Variants in XPR1 observed in about 807,000 individuals in gnomAD.
The protein encoded by XPR1 is solute carrier family 53 member 1.
Under a neutral mutation model 87.5 loss-of-function variants are expected in XPR1, and 28 were observed. The observed-to-expected ratio is 0.32, with a 90% CI of 0.24 to 0.44. The LOEUF is 0.44. Ranked by LOEUF, XPR1 falls within the 20% of genes least tolerant of loss-of-function variation. The probability of loss-of-function intolerance (pLI) is 1.00; values close to 1 mark genes in which losing one functional copy is unlikely to be tolerated. For missense variants in XPR1, 559 were observed against 862.3 expected, an observed-to-expected ratio of 0.65 and a Z score of 4.41; for synonymous variants, 300 against 306.1, an observed-to-expected ratio of 0.98 and a Z score of 0.21.
intron 2 of XPR1, among the ~76,000 whole-genome samples, chr1:180,760,065 C>T (rs759071196): frequency 1.3e-5 from 2 of 150,716 alleles, no homozygotes; most frequent in African/African-American, 4.8e-5. Flanking sequence ...ATTCAGCAAC[C>T]CTTCATGCTA....
chr1:180,853,733 T>C (rs973338558), intron 11 of XPR1, among the ~76,000 whole-genome samples: 9 of 151,206 alleles, frequency 6.0e-5, no homozygotes, highest in African/African-American at 2.2e-4. Flanking sequence ...TGCTAGCTGC[T>C]AACTGAGAGC....
chr1:180,833,440 A>C (rs531119793), intron 9 of XPR1, among the ~76,000 whole-genome samples: 98 of 152,186 alleles, frequency 6.4e-4, no homozygotes, highest in Non-Finnish European at 1.3e-3. Context: ...CCCATCTCAC[A>C]TGCAAAGACA....
At chr1:180,840,532 T>TTGTGTGTGTGTGTGTGTGTGTGTG (rs373937004) in intron 11 of XPR1, among the ~76,000 whole-genome samples, 1 of 110,440 alleles carries the variant, frequency 9.1e-6, no homozygotes, top group African/African-American at 3.3e-5. Flanking sequence ...GTTAACATAT[T>TTGTGTGTGTGTGTGTGTGTGTGTG]TGTGTGTGTG....
At chr1:180,644,741 C>G (rs932382940) in intron 1 of XPR1, among the ~76,000 whole-genome samples, 1 of 151,884 alleles carries the variant, frequency 6.6e-6, no homozygotes, top group Non-Finnish European at 1.5e-5. Flanking sequence ...TTTCCACATA[C>G]CAGGGGGAGG....
At chr1:180,726,705 C>CCAGA (rs57379350) in intron 2 of XPR1, among the ~76,000 whole-genome samples, 152,273 of 152,292 alleles carry the variant, frequency 1, 76,127 homozygotes, top group Middle Eastern at 1. Flanking sequence ...TTCTATTAAC[C>CCAGA]CAGACATCAG....
chr1:180,720,941 A>G (rs1658161662), intron 2 of XPR1, among the ~76,000 whole-genome samples: 1 of 152,158 alleles, frequency 6.6e-6, no homozygotes, highest in South Asian at 2.1e-4. Flanking sequence ...ATGTCATTCA[A>G]ATTTAGAAGG....
At chr1:180,635,246 C>A (rs377707791) in intron 1 of XPR1, among the ~76,000 whole-genome samples, 1 of 152,032 alleles carries the variant, frequency 6.6e-6, no homozygotes, top group African/African-American at 2.4e-5. Context: ...ACAAACAAGC[C>A]GAGACTATTC....
chr1:180,852,886 C>T (rs1213960378), intron 11 of XPR1, among the ~76,000 whole-genome samples: 1 of 152,144 alleles, frequency 6.6e-6, no homozygotes, highest in East Asian at 1.9e-4. Context: ...TTGCTAGTCT[C>T]TTGCTGTGCT....
At chr1:180,879,927 G>A (rs565993071) in intron 13 of XPR1, 149 bp from the exon 14 acceptor site, 265 of 781,246 alleles carry the variant, frequency 3.4e-4, no homozygotes, top group African/African-American at 2.5e-3. Context: ...CCACCTCCCC[G>A]CAACACCATC....
chr1:180,670,212 T>G (rs779773152), intron 1 of XPR1, among the ~76,000 whole-genome samples: 2 of 152,204 alleles, frequency 1.3e-5, no homozygotes, highest in Non-Finnish European at 2.9e-5. Context: ...ATTGGAGAAT[T>G]TAATTCATTT....
chr1:180,673,704 C>CT (rs1339228642), intron 1 of XPR1, among the ~76,000 whole-genome samples: 1 of 152,214 alleles, frequency 6.6e-6, no homozygotes, highest in Non-Finnish European at 1.5e-5. Context: ...TCATGAGAAT[C>CT]TAACTAATTA....
intron 11 of XPR1, among the ~76,000 whole-genome samples, chr1:180,847,831 A>T (rs1046364342): frequency 6.6e-6 from 1 of 152,210 alleles, no homozygotes; most frequent in African/African-American, 2.4e-5. Flanking sequence ...TTGCAGGAAT[A>T]GGGAAAGTTG....
chr1:180,674,066 G>A (rs762226638), intron 1 of XPR1, among the ~76,000 whole-genome samples: 4 of 152,104 alleles, frequency 2.6e-5, no homozygotes, highest in Non-Finnish European at 5.9e-5. Context: ...CCATGTTCTT[G>A]GCACTGTTCT....
chr1:180,890,069 T>C lies in XPR1; in HGVS notation c.*6003T>C, dbSNP rs571504345. 11 of 152,214 alleles carry C rather than the reference T, an allele frequency of 7.2e-5. No individual in the cohort carries two copies. The highest frequency in any genetic ancestry group is 6.5e-4 in the Admixed American group (10 of 15,296). The allele number at this position is 152,214 out of a possible 1,614,324, so 9.4% of individuals were successfully genotyped here. A position where few individuals can be genotyped will look rare whatever the true frequency, so the allele number is the denominator to read the frequency against. On this transcript the variant is annotated 3_prime_UTR_variant, in exon 15 of 15. Coordinates refer to ENST00000367590, the MANE Select transcript of XPR1 (RefSeq NM_004736.4). ...CCTTCCTATATGGGTAGAATTCTTA[T>C]GACTTATGAAGTTCCCTTCTTGATA...
intron 1 of XPR1, among the ~76,000 whole-genome samples, chr1:180,653,342 A>C (rs1240504904): frequency 2.0e-5 from 3 of 152,200 alleles, no homozygotes; most frequent in African/African-American, 7.2e-5. Flanking sequence ...TACAAATCTA[A>C]TGGTATAGAA....
chr1:180,685,122 T>A (rs556262096), intron 2 of XPR1, among the ~76,000 whole-genome samples: 21 of 152,152 alleles, frequency 1.4e-4, no homozygotes, highest in African/African-American at 2.9e-4. Flanking sequence ...GGCTGTGGGT[T>A]TGTCATAGAT....
At chr1:180,659,357 TTCCGTCCTTCCG>T (rs1416052010) in intron 1 of XPR1, among the ~76,000 whole-genome samples, 40 of 132,728 alleles carry the variant, frequency 3.0e-4, no homozygotes, top group African/African-American at 9.3e-4. Context: ...CCTTCCGTCC[TTCCGTCCTTCCG>T]TCCGTCCTTC....
intron 1 of XPR1, among the ~76,000 whole-genome samples, chr1:180,652,866 G>A (rs781388123): frequency 2.0e-5 from 3 of 152,060 alleles, no homozygotes; most frequent in Non-Finnish European, 4.4e-5. Context: ...CATGCGTTTC[G>A]GAGCTGCTTA....
intron 2 of XPR1, among the ~76,000 whole-genome samples, chr1:180,685,159 C>T (rs1018072334): frequency 1.3e-5 from 2 of 152,018 alleles, no homozygotes. Flanking sequence ...AGATACGTCC[C>T]ATCAATACCT....
Sources: gnomAD v4.1 joint callset for allele counts (sites outside exome capture counted in the v4.1 genomes callset) on GRCh38, gnomAD v4.1.1 for gene constraint, MANE v1.5 for transcripts, NCBI Gene and HGNC (gene_info 2026-07-23, HGNC 2026-07-21) for gene names.